Variants in DYNC1H1 observed in about 807,000 individuals in gnomAD.
The protein encoded by DYNC1H1 is dynein cytoplasmic 1 heavy chain 1, also known as cytoplasmic dynein 1 heavy chain 1.
DYNC1H1 carries 51 observed loss-of-function variants against 527.1 expected under a neutral mutation model. That is an observed-to-expected ratio of 0.10 (90% CI 0.08 to 0.12). DYNC1H1 has a LOEUF of 0.12. Ranked by LOEUF, DYNC1H1 falls within the 10% of genes least tolerant of loss-of-function variation. The probability of loss-of-function intolerance (pLI) is 1.00; values close to 1 mark genes in which losing one functional copy is unlikely to be tolerated. For synonymous variants in DYNC1H1, 2,189 were observed against 2,278.8 expected (o/e 0.96, Z 1.12); for missense variants, 2,771 against 5,971.8 (o/e 0.46, Z 17.66).
In DYNC1H1 at chr14:102,048,562, A is replaced by C. The variant is rs1463058227; in HGVS notation, c.13265A>C (p.Lys4422Thr). The change falls in exon 74 of 78, where the codon AAG becomes ACG. Residue 4422 changes from lysine to threonine, a missense_variant. This residue lies in a region of DYNC1H1 where 170 missense variants were observed against 249.8 expected (regional missense o/e 0.68). Transcript: ENST00000360184. ...FFEREVKMGA[K>T]LLQDVRQDLA... ...GAGAGAGAAGTGAAGATGGGCGCAAAGCTGCTTCAGGACGTTCGCCAGGAC... is the reference window on the plus strand; with the variant it reads ...GAGAGAGAAGTGAAGATGGGCGCAACGCTGCTTCAGGACGTTCGCCAGGAC... The C allele has an allele frequency of 3.7e-6, 6 of 1,614,222 alleles. No homozygotes were observed. The highest frequency in any genetic ancestry group is 5.1e-6 in the Non-Finnish European group (6 of 1,180,038).
Position 102,006,039 on chromosome 14 carries a change from C to T in DYNC1H1, c.5585C>T (p.Ala1862Val). ...TTACAGCAGTTGTCAATTCAAATGG[C>T]AAATGCCAAATTTAACTATGGCTTT... is the stretch of plus-strand genomic sequence containing the variant. ...DVLQQLSIQM[A>V]NAKFNYGFEY... Residue 1862 changes from alanine (A) to valine (V), a missense_variant, in exon 27 of 78, where the codon GCA (alanine) becomes GTA (valine). Ala to Val is a moderately conservative substitution (Grantham distance 64, BLOSUM62 0). Around this residue, in one of 32 missense-constraint regions of DYNC1H1, gnomAD observed 64 missense variants for 143.4 expected, o/e 0.45. Coordinates refer to ENST00000360184, the MANE Select transcript of DYNC1H1 (RefSeq NM_001376.5). 6.2e-7 allele frequency: 1 copy of T among 1,614,226 alleles called. No homozygotes were observed. Among genetic ancestry groups the T allele is most frequent in the Non-Finnish European group, 8.5e-7 (1 of 1,180,040 alleles).
chr14:101,996,726 A>G (rs989540123), intron 15 of DYNC1H1, among the ~76,000 whole-genome samples: 2 of 152,026 alleles, frequency 1.3e-5, no homozygotes, highest in Admixed American at 1.3e-4. Flanking sequence ...GGCTCAAACA[A>G]TCCTCCCACC....
intron 51 of DYNC1H1, among the ~76,000 whole-genome samples, chr14:102,031,798 T>C (rs191110129): frequency 4.6e-4 from 70 of 151,994 alleles, no homozygotes; most frequent in African/African-American, 1.5e-3. Flanking sequence ...CTACTAAAAA[T>C]AGGAAATTAG....
rs1473681659 is a variant in DYNC1H1, at chr14:102,036,362, G to A, written c.10755-127G>A. 1.0e-5 allele frequency: 13 copies of A among 1,285,348 alleles called. No individual in the cohort carries two copies. Among genetic ancestry groups the A allele is most frequent in the South Asian group, 3.6e-5 (3 of 82,820 alleles). 79.6% of individuals were successfully genotyped at this position (1,285,348 alleles called of 1,614,324 possible). ...TATTGGTAAACCTGAAAACGTCTCC[G>A]GAAACCACTCTCGGGTGGTGGTAAC... is the stretch of plus-strand genomic sequence containing the variant. On this transcript the variant is annotated intron_variant, in intron 56 of 77. Coordinates refer to ENST00000360184, the MANE Select transcript of DYNC1H1 (RefSeq NM_001376.5). The surrounding 1 kb of genome is among the most constrained non-coding windows in gnomAD (Gnocchi z 5.6).
rs1343201873 is a variant in DYNC1H1 at position 101,995,103 on chromosome 14, A to C, written c.3444+7A>C. ...CCATTCCCAGATCTCAAAGGTGAGGACATAGGATTCTGCCTCTGTAACCGG... is the reference window on the plus strand; with the variant it reads ...CCATTCCCAGATCTCAAAGGTGAGGCCATAGGATTCTGCCTCTGTAACCGG... On this transcript the variant is annotated splice_region_variant and intron_variant, in intron 14 of 77. Coordinates refer to ENST00000360184, the MANE Select transcript of DYNC1H1 (RefSeq NM_001376.5). The C allele has an allele frequency of 6.2e-7, 1 of 1,614,190 alleles. No individual in the cohort carries two copies. The highest frequency in any genetic ancestry group is 1.7e-5 in the Admixed American group (1 of 60,014).
At position 102,005,276 on chromosome 14, in the gene DYNC1H1, C is replaced by G. The variant is rs773103929; in HGVS notation, c.5433+40C>G. On this transcript the variant is annotated intron_variant, in intron 26 of 77. Transcript: ENST00000360184. The surrounding 1 kb of genome is among the most constrained non-coding windows in gnomAD (Gnocchi z 4.0). Reference sequence around the variant, plus strand: ...TGACTCCTTCCTTACCAGTTAGACTCTTACACCCTCAACCACACAGTTAAA... The same window carrying G: ...TGACTCCTTCCTTACCAGTTAGACTGTTACACCCTCAACCACACAGTTAAA... 1 of 1,610,436 alleles carries G rather than the reference C, an allele frequency of 6.2e-7. No homozygotes were observed. Among genetic ancestry groups the G allele is most frequent in the Non-Finnish European group, 8.5e-7 (1 of 1,177,054 alleles).
intron 7 of DYNC1H1, among the ~76,000 whole-genome samples, chr14:101,984,429 G>GTA (rs1439186874): frequency 1.3e-4 from 12 of 92,322 alleles, no homozygotes; most frequent in African/African-American, 4.7e-4. Context: ...GTGTGTGTGT[G>GTA]TGTATATATA....
chr14:101,975,374 G>T lies in DYNC1H1; in HGVS notation c.257-338G>T, dbSNP rs1420880301. The stretch of plus-strand genomic sequence containing the variant: ...TTGAAGCACAATGAATGAGCTTCCT[G>T]GGATGGGATGCTGAGAACTTGGCCA... On this transcript the variant is annotated intron_variant, in intron 1 of 77. Transcript: ENST00000360184. Among the ~76,000 whole-genome samples the T allele has an allele frequency of 2.6e-5, 4 of 152,212 alleles. No homozygotes were observed. The East Asian group carries it at 7.7e-4, about 29-fold the overall frequency.
At chr14:102,024,307 C>T (rs915913212) in intron 43 of DYNC1H1, among the ~76,000 whole-genome samples, 1 of 152,218 alleles carries the variant, frequency 6.6e-6, no homozygotes, top group Admixed American at 6.5e-5. Flanking sequence ...TACCGAGTTA[C>T]AGTCTTGACA....
rs1018817248 is a variant in DYNC1H1 at position 102,036,699 on chromosome 14, G to A, written c.10908+57G>A. 15 of 1,609,060 alleles carry A rather than the reference G, an allele frequency of 9.3e-6. No individual in the cohort carries two copies. The highest frequency in any genetic ancestry group is 1.3e-5 in the Non-Finnish European group (15 of 1,176,666). ...TGCATTCAAGAGTGAATTCCTTTTT[G>A]GGGGCTGCCTTTAGTTTTCAACTTT... On this transcript the variant is annotated intron_variant, in intron 57 of 77. Transcript: ENST00000360184. This position sits in a 1 kb window ranked among gnomAD's most constrained non-coding sequence, Gnocchi z 5.6.
intron 52 of DYNC1H1, 26 bp downstream of exon 52, chr14:102,032,493 T>C (rs200694981): frequency 8.9e-5 from 143 of 1,613,830 alleles, no homozygotes; most frequent in Admixed American, 3.7e-4. Context: ...TGCCAAGGTA[T>C]TGCCAGAAAT....
In DYNC1H1 at chr14:102,012,064, C is replaced by T. The variant is rs745939537; in HGVS notation, c.6808C>T (p.Pro2270Ser). The T allele has an allele frequency of 6.2e-7, 1 of 1,614,136 alleles. No homozygotes were observed. Residue 2270 changes from proline to serine, a missense_variant, in exon 33 of 78, where the codon CCC becomes TCC. Coordinates refer to ENST00000360184, the MANE Select transcript of DYNC1H1 (RefSeq NM_001376.5). This position sits in a 1 kb window ranked among gnomAD's most constrained non-coding sequence, Gnocchi z 4.9. ...SKDHLYGTLD[P>S]NTREWTDGLF... ...AGACCACCTCTACGGAACCCTGGACCCCAACACCAGGGAATGGACAGATGG... is the reference window on the plus strand; with the variant it reads ...AGACCACCTCTACGGAACCCTGGACTCCAACACCAGGGAATGGACAGATGG...
At position 102,041,496 on chromosome 14, in the gene DYNC1H1, G is replaced by C; in HGVS notation, c.11942-78G>C. ...AGCATTTGCTGAGTGGGTACTTTGG[G>C]AAGAACAGTCCAGGCAGGGGAGGGC... On this transcript the variant is annotated intron_variant, in intron 64 of 77. Transcript: ENST00000360184. This position sits in a 1 kb window ranked among gnomAD's most constrained non-coding sequence, Gnocchi z 4.5. The C allele has an allele frequency of 6.2e-7, 1 of 1,607,262 alleles. No individual in the cohort carries two copies. The highest frequency in any genetic ancestry group is 8.5e-7 in the Non-Finnish European group (1 of 1,176,468).
intron 29 of DYNC1H1, chr14:102,009,497 A>G: frequency 1.3e-5 from 4 of 316,828 alleles, no homozygotes; most frequent in South Asian, 5.9e-5. Context: ...GTGTCGCGGC[A>G]TTTATTCCTT....
In DYNC1H1 at chr14:102,051,677, T is replaced by C. The variant is rs944920394; in HGVS notation, c.*1114T>C. On this transcript the variant is annotated 3_prime_UTR_variant, in exon 78 of 78. Transcript: ENST00000360184. ...TGCTACACCCGTGGAAACAGGCTTC[T>C]GGCATCTCAGTGTCTTTATTTTATT... 10 of 152,648 alleles carry C rather than the reference T, an allele frequency of 6.6e-5. No homozygotes were observed. The highest frequency in any genetic ancestry group is 2.4e-4 in the African/African-American group (10 of 41,458). The allele number at this position is 152,648 out of a possible 1,614,324, so 9.5% of individuals were successfully genotyped here.
In DYNC1H1 at chr14:102,041,707, C is replaced by T. The variant is rs373636519; in HGVS notation, c.12075C>T (p.Leu4025=). 8.0e-5 allele frequency: 129 copies of T among 1,614,050 alleles called. No individual in the cohort carries two copies. Among genetic ancestry groups the T allele is most frequent in the African/African-American group, 1.1e-4 (8 of 74,932 alleles). The change falls in exon 65 of 78, where the codon CTC becomes CTT. Residue 4025 remains leucine, a synonymous_variant. Transcript: ENST00000360184. The surrounding 1 kb of genome is among the most constrained non-coding windows in gnomAD (Gnocchi z 4.5). ...TCATGTCCATCATGGAGCAGCCGCT[C>T]GACCTGACCCACATTGTGGGCACAG... is the stretch of plus-strand genomic sequence containing the variant. ...ESFMSIMEQP[L]DLTHIVGTEV...
chr14:102,047,833 T>G lies in DYNC1H1; in HGVS notation c.13023T>G (p.Ser4341Arg). The G allele has an allele frequency of 6.2e-7, 1 of 1,613,244 alleles. No homozygotes were observed. The highest frequency in any genetic ancestry group is 8.5e-7 in the Non-Finnish European group (1 of 1,179,966). Residue 4341 changes from serine (S) to arginine (R), a missense_variant, in exon 73 of 78, where the codon AGT becomes AGG. By Grantham distance (110) the Ser-to-Arg change is moderately radical. Transcript: ENST00000360184. ...LLTTQGVDMI[S>R]KMLKMQMLED... ...GTGGCCCAGGTGTGGACATGATCAG[T>G]AAAATGCTGAAGATGCAGATGTTGG...
In DYNC1H1 at chr14:102,028,128, A is replaced by C; in HGVS notation, c.9455A>C (p.Gln3152Pro). ...GTGAACAGCTGTGTGTTTGTTCATCAGACTCTTCACCAGGTGGGTTCAGTT... is the reference window on the plus strand; with the variant it reads ...GTGAACAGCTGTGTGTTTGTTCATCCGACTCTTCACCAGGTGGGTTCAGTT... ...AIVNSCVFVH[Q>P]TLHQANARLA... Residue 3152 changes from glutamine (Q) to proline (P), a missense_variant, in exon 48 of 78, where the codon CAG becomes CCG. This residue lies in a region of DYNC1H1 where 67 missense variants were observed against 128.2 expected (regional missense o/e 0.52). Coordinates refer to ENST00000360184, the MANE Select transcript of DYNC1H1 (RefSeq NM_001376.5). 6.2e-7 allele frequency: 1 copy of C among 1,614,104 alleles called. No individual in the cohort carries two copies. The highest frequency in any genetic ancestry group is 8.5e-7 in the Non-Finnish European group (1 of 1,179,948).
chr14:102,002,521 C>T lies in DYNC1H1; in HGVS notation c.4543-16C>T, dbSNP rs771846165. 10 of 1,613,774 alleles carry T rather than the reference C, an allele frequency of 6.2e-6. No homozygotes were observed. In the East Asian group the frequency reaches 1.3e-4, roughly 22 times the overall value. The stretch of plus-strand genomic sequence containing the variant: ...AAGGGTCAGCAGTTTACCTCTCCCT[C>T]CTGTCTGCCCACCAGGTTTTTGAAG... On this transcript the variant is annotated splice_polypyrimidine_tract_variant and intron_variant, in intron 21 of 77. Transcript: ENST00000360184. The surrounding 1 kb of genome is among the most constrained non-coding windows in gnomAD (Gnocchi z 4.4).
Sources: allele counts gnomAD v4.1 joint callset (sites outside exome capture counted in the v4.1 genomes callset), GRCh38; gene constraint gnomAD v4.1.1; regional missense constraint gnomAD v4.1.1; non-coding constraint Gnocchi (gnomAD v3.1); transcripts MANE v1.5; gene names NCBI Gene and HGNC (gene_info 2026-07-23, HGNC 2026-07-21).